Variants in PMFBP1 observed in about 807,000 individuals in gnomAD.
PMFBP1 encodes the protein polyamine-modulated factor 1-binding protein 1.
Under a neutral mutation model 137.8 loss-of-function variants are expected in PMFBP1, and 131 were observed. That is an observed-to-expected ratio of 0.95 (90% CI 0.82 to 1.10). The LOEUF is 1.10. Ranked by LOEUF, PMFBP1 falls within the 50% of genes least tolerant of loss-of-function variation. The pLI is 0.00. For missense variants in PMFBP1, 1,199 were observed against 1,175.4 expected, an observed-to-expected ratio of 1.02 and a Z score of -0.29; for synonymous variants, 490 against 450.4, an observed-to-expected ratio of 1.09 and a Z score of -1.11.
chr16:72,244,569 C>A, the PMFBP1 span, among the ~76,000 whole-genome samples: 1 of 152,152 alleles, frequency 6.6e-6, no homozygotes, highest in African/African-American at 2.4e-5. Context: ...ACTGAGATTC[C>A]AGCCACATAA....
chr16:72,195,463 C>G, the PMFBP1 span, among the ~76,000 whole-genome samples: 1 of 152,182 alleles, frequency 6.6e-6, no homozygotes. Flanking sequence ...AGGACCTGAA[C>G]TGACACAAGA....
chr16:72,184,849 A>T, the PMFBP1 span, among the ~76,000 whole-genome samples: 1 of 152,142 alleles, frequency 6.6e-6, no homozygotes, highest in African/African-American at 2.4e-5. Flanking sequence ...CTTCCCAATT[A>T]ATCTTCTATG....
At chr16:72,203,284 G>T in the PMFBP1 span, among the ~76,000 whole-genome samples, 1 of 152,330 alleles carries the variant, frequency 6.6e-6, no homozygotes, top group South Asian at 2.1e-4. Context: ...ACCTTTGAAA[G>T]TTGCTCTAAA....
Position 72,123,640 on chromosome 16 carries a change from G to A in PMFBP1, c.2599C>T (p.Leu867=). ...LLEDDKEPCC[L]PQWSVPKDTC... is the part of the protein sequence containing the mutation. ...TCTTTGGGCACAGACCACTGGGGCA[G>A]GCAGCAGGGCTTGGGTACAAGAAGA... The change falls in exon 18 of 21, where the codon CTG becomes TTG. Residue 867 remains leucine, a synonymous_variant. Coordinates refer to ENST00000237353, the MANE Select transcript of PMFBP1 (RefSeq NM_031293.3). 3 of 1,613,792 alleles carry A rather than the reference G, an allele frequency of 1.9e-6. No individual in the cohort carries two copies. The highest frequency in any genetic ancestry group is 2.5e-6 in the Non-Finnish European group (3 of 1,179,738).
chr16:72,152,559 A>C (rs959992361), intron 4 of PMFBP1, among the ~76,000 whole-genome samples: 14 of 152,016 alleles, frequency 9.2e-5, no homozygotes, highest in African/African-American at 3.1e-4. Flanking sequence ...TGGAACAAGG[A>C]TGTGGCCTGG....
intron 3 of PMFBP1, among the ~76,000 whole-genome samples, chr16:72,158,404 G>T (rs911886420): frequency 6.6e-6 from 1 of 152,156 alleles, no homozygotes; most frequent in Non-Finnish European, 1.5e-5. Flanking sequence ...TTCTTTTCAA[G>T]ATAAAAACAC....
chr16:72,236,139 G>GT, the PMFBP1 span, among the ~76,000 whole-genome samples: 2 of 151,986 alleles, frequency 1.3e-5, no homozygotes, highest in East Asian at 3.8e-4. Flanking sequence ...TGTAAATGCT[G>GT]TTTTTTTGGG....
chr16:72,167,907 T>C (rs574238754), intron 2 of PMFBP1, among the ~76,000 whole-genome samples: 2 of 152,336 alleles, frequency 1.3e-5, no homozygotes, highest in South Asian at 2.1e-4. Flanking sequence ...AATTAAAAGT[T>C]AAGTGCTCTC....
At chr16:72,149,332 T>G (rs539777163) in intron 5 of PMFBP1, among the ~76,000 whole-genome samples, 72 of 152,316 alleles carry the variant, frequency 4.7e-4, no homozygotes, top group Admixed American at 2.7e-3. Context: ...TAGAACCTTT[T>G]TGGTATATAA....
chr16:72,245,367 T>C, the PMFBP1 span, among the ~76,000 whole-genome samples: 5 of 152,170 alleles, frequency 3.3e-5, no homozygotes, highest in African/African-American at 1.2e-4. Flanking sequence ...TGAGATGCCG[T>C]GAGGTTCAAT....
At chr16:72,218,198 G>A in the PMFBP1 span, among the ~76,000 whole-genome samples, 18,732 of 152,082 alleles carry the variant, frequency 0.12, 1,931 homozygotes, top group African/African-American at 0.28. Context: ...CTAAGCACAA[G>A]GAATTAGTGG....
intron 5 of PMFBP1, among the ~76,000 whole-genome samples, chr16:72,146,928 C>T (rs1259133705): frequency 6.6e-6 from 1 of 152,144 alleles, no homozygotes; most frequent in Non-Finnish European, 1.5e-5. Context: ...GAATCAATAT[C>T]ATGAAAATGG....
intron 5 of PMFBP1, among the ~76,000 whole-genome samples, chr16:72,149,596 G>A (rs926637738): frequency 2.0e-5 from 3 of 152,176 alleles, no homozygotes; most frequent in Non-Finnish European, 2.9e-5. Flanking sequence ...GCTGAGGTGA[G>A]TGGATCACAC....
At chr16:72,209,162 C>A in the PMFBP1 span, among the ~76,000 whole-genome samples, 2 of 152,180 alleles carry the variant, frequency 1.3e-5, no homozygotes, top group South Asian at 4.1e-4. Flanking sequence ...TAAAGAAGAG[C>A]GTACAAATAG....
At chr16:72,194,633 G>C in the PMFBP1 span, among the ~76,000 whole-genome samples, 2 of 152,116 alleles carry the variant, frequency 1.3e-5, no homozygotes, top group African/African-American at 4.8e-5. Flanking sequence ...GGTATCTCGT[G>C]GTCAATAGTA....
intron 9 of PMFBP1, among the ~76,000 whole-genome samples, chr16:72,135,319 C>T (rs1291136887): frequency 6.6e-6 from 1 of 151,352 alleles, no homozygotes; most frequent in Non-Finnish European, 1.5e-5. Flanking sequence ...GGGATTACAG[C>T]TGTGCACCAC....
intron 12 of PMFBP1, among the ~76,000 whole-genome samples, chr16:72,129,800 G>A (rs1337956920): frequency 1.3e-5 from 2 of 152,144 alleles, no homozygotes; most frequent in Non-Finnish European, 2.9e-5. Flanking sequence ...CAATTAATTT[G>A]CATGGATTGG....
At chr16:72,223,026 G>T in the PMFBP1 span, among the ~76,000 whole-genome samples, 1 of 152,186 alleles carries the variant, frequency 6.6e-6, no homozygotes, top group African/African-American at 2.4e-5. Flanking sequence ...TAGCCAGCTT[G>T]TCATGACACA....
At chr16:72,223,818 A>T in the PMFBP1 span, among the ~76,000 whole-genome samples, 1 of 152,214 alleles carries the variant, frequency 6.6e-6, no homozygotes, top group Non-Finnish European at 1.5e-5. Context: ...TACTGAAAGG[A>T]ATATAATACA....
Sources: gnomAD v4.1 joint callset for allele counts (sites outside exome capture counted in the v4.1 genomes callset) on GRCh38, gnomAD v4.1.1 for gene constraint, MANE v1.5 for transcripts, NCBI Gene and HGNC (gene_info 2026-07-23, HGNC 2026-07-21) for gene names.